KDM2B: variants seen among roughly 807,000 people sequenced by gnomAD.
The protein encoded by KDM2B is lysine-specific demethylase 2B.
KDM2B carries 26 observed loss-of-function variants against 150.0 expected under a neutral mutation model. That is an observed-to-expected ratio of 0.17 (90% CI 0.13 to 0.24). The LOEUF (loss-of-function observed/expected upper bound fraction) is 0.24. Ranked by LOEUF, KDM2B falls within the 10% of genes least tolerant of loss-of-function variation. KDM2B has a pLI of 1.00. For missense variants in KDM2B, 1,265 were observed against 1,816.9 expected (o/e 0.70, Z 5.52); for synonymous variants, 734 against 729.5 (o/e 1.01, Z -0.10).
chr12:121,546,514 C>A (rs112027902), intron 6 of KDM2B, among the ~76,000 whole-genome samples: 22,181 of 149,630 alleles, frequency 0.15, 2,244 homozygotes, highest in Non-Finnish European at 0.22. Flanking sequence ...TCCCGAGTAG[C>A]TGGGACTACA....
intron 1 of KDM2B, 67 bp from the exon 2 acceptor site, chr12:121,579,013 G>C: frequency 6.5e-7 from 1 of 1,535,180 alleles, no homozygotes; most frequent in Non-Finnish European, 8.8e-7. Flanking sequence ...TCTCAACCTG[G>C]GCCCAGCACT....
chr12:121,557,451 G>A (rs1337855090), intron 4 of KDM2B, among the ~76,000 whole-genome samples: 1 of 151,870 alleles, frequency 6.6e-6, no homozygotes, highest in Admixed American at 6.6e-5. Context: ...TTTTGCCCAG[G>A]CTGGTCTTGA....
Position 121,518,775 on chromosome 12 carries a change from G to A in KDM2B, c.1047+2210C>T, listed in dbSNP as rs1027186909. The stretch of plus-strand genomic sequence containing the variant: ...GCTTTCAGGAATTGCCTGGAAAGTC[G>A]TGGGCCTGACTTCCACTAGATTTCT... On this transcript the variant is annotated intron_variant, in intron 9 of 22. Coordinates refer to ENST00000377071, the MANE Select transcript of KDM2B (RefSeq NM_032590.5). This position sits in a 1 kb window ranked among gnomAD's most constrained non-coding sequence, Gnocchi z 4.4. Among the ~76,000 whole-genome samples the A allele has an allele frequency of 1.6e-4, 25 of 152,336 alleles. No homozygotes were observed. The highest frequency in any genetic ancestry group is 9.1e-4 in the Admixed American group (14 of 15,302).
chr12:121,497,380 C>T (rs55670207), intron 11 of KDM2B, among the ~76,000 whole-genome samples: 8,066 of 152,254 alleles, frequency 0.053, 293 homozygotes, highest in Middle Eastern at 0.099. Flanking sequence ...TCTTGGTTCA[C>T]TGCAACCTCT....
At chr12:121,473,359 T>C (rs1221794127) in intron 12 of KDM2B, among the ~76,000 whole-genome samples, 1 of 145,766 alleles carries the variant, frequency 6.9e-6, no homozygotes, top group Non-Finnish European at 1.5e-5. Flanking sequence ...ACCACTGCAC[T>C]CCGCCTGGGT....
At chr12:121,542,213 G>T (rs1199912357) in intron 6 of KDM2B, among the ~76,000 whole-genome samples, 1 of 152,210 alleles carries the variant, frequency 6.6e-6, no homozygotes, top group African/African-American at 2.4e-5. Context: ...GCTATATGTG[G>T]CAAGGAACTG....
chr12:121,516,943 T>C (rs188591743), intron 9 of KDM2B: 4 of 638,052 alleles, frequency 6.3e-6, no homozygotes, highest in Admixed American at 5.7e-5. Flanking sequence ...AGGTAAATTA[T>C]TTGCAATTTC....
chr12:121,567,772 G>A (rs1470161665), intron 4 of KDM2B, among the ~76,000 whole-genome samples: 1 of 145,052 alleles, frequency 6.9e-6, no homozygotes, highest in African/African-American at 2.6e-5. Flanking sequence ...GTATAGTGGT[G>A]CAATCTCGGC....
chr12:121,413,016 G>A, the KDM2B span, among the ~76,000 whole-genome samples: 1 of 142,336 alleles, frequency 7.0e-6, no homozygotes, highest in South Asian at 2.3e-4. Context: ...ATTGTGCCCA[G>A]GCTATTTTTT....
chr12:121,515,725 C>T lies in KDM2B; in HGVS notation c.1048-2323G>A, dbSNP rs79018002. On this transcript the variant is annotated intron_variant, in intron 9 of 22. Coordinates refer to ENST00000377071, the MANE Select transcript of KDM2B (RefSeq NM_032590.5). ...TCTGAGAGTCCTGGCTCTCACTCAGCTCCTGGCCTCAAGGCCTCCTCCCAC... is the reference window on the plus strand; with the variant it reads ...TCTGAGAGTCCTGGCTCTCACTCAGTTCCTGGCCTCAAGGCCTCCTCCCAC... 7.0e-3 allele frequency among the ~76,000 whole-genome samples: 1,067 copies of T among 152,094 alleles called. 7 individuals carry two copies. Among genetic ancestry groups the T allele is most frequent in the African/African-American group, 0.024 (1,001 of 41,516 alleles).
At chr12:121,536,070 G>A (rs1486987740) in intron 6 of KDM2B, 3 of 985,960 alleles carry the variant, frequency 3.0e-6, no homozygotes, top group South Asian at 9.4e-5. Context: ...AAGAGGGAAG[G>A]AATGGGGCGG....
chr12:121,431,581 A>T (rs1447387717), intron 22 of KDM2B, among the ~76,000 whole-genome samples: 2 of 152,180 alleles, frequency 1.3e-5, no homozygotes, highest in African/African-American at 4.8e-5. Context: ...TGCTATCTAC[A>T]TGTTATCAAA....
chr12:121,442,844 CGA>C lies in KDM2B; in HGVS notation c.2605-10_2605-9del, dbSNP rs1593749273. 1 of 1,517,890 alleles carries C rather than the reference CGA, an allele frequency of 6.6e-7. No individual in the cohort carries two copies. The highest frequency in any genetic ancestry group is 8.8e-7 in the Non-Finnish European group (1 of 1,138,016). 94.0% of individuals were successfully genotyped at this position (1,517,890 alleles called of 1,614,324 possible). On this transcript the variant is annotated splice_polypyrimidine_tract_variant and intron_variant, in intron 18 of 22. Transcript: ENST00000377071. This position sits in a 1 kb window ranked among gnomAD's most constrained non-coding sequence, Gnocchi z 7.7. ...GTTCTTCCAGGACCGCCGCTGAGGG[CGA>C]GAGCGGAGACGCGTCAGCCTCTGGG...
chr12:121,496,209 T>C (rs782485049), intron 11 of KDM2B, among the ~76,000 whole-genome samples: 2 of 152,118 alleles, frequency 1.3e-5, no homozygotes, highest in Non-Finnish European at 2.9e-5. Context: ...ATAGGGTTTT[T>C]TTTGGCTACA....
intron 6 of KDM2B, among the ~76,000 whole-genome samples, chr12:121,539,279 G>C (rs1183853363): frequency 2.4e-5 from 3 of 123,380 alleles, no homozygotes; most frequent in African/African-American, 9.5e-5. Context: ...GGTGAATCAC[G>C]ACTGCGCCAC....
At chr12:121,508,892 C>G (rs1470958247) in intron 11 of KDM2B, among the ~76,000 whole-genome samples, 7 of 152,320 alleles carry the variant, frequency 4.6e-5, no homozygotes, top group Middle Eastern at 3.4e-3. Flanking sequence ...AACATGCTGG[C>G]CCAGGACAGC....
chr12:121,443,331 T>C (rs1421875890), intron 17 of KDM2B: 1 of 579,524 alleles, frequency 1.7e-6, no homozygotes, highest in Non-Finnish European at 3.1e-6. Context: ...GAGCCAGTTC[T>C]GGAGCACAGC....
the KDM2B span, chr12:121,424,035 G>T: frequency 6.5e-6 from 1 of 153,924 alleles, no homozygotes; most frequent in African/African-American, 2.4e-5. Flanking sequence ...CACTTTATTA[G>T]TCATGTATAT....
intron 6 of KDM2B, among the ~76,000 whole-genome samples, chr12:121,544,911 T>C (rs1356583743): frequency 6.6e-6 from 1 of 152,086 alleles, no homozygotes; most frequent in East Asian, 1.9e-4. Flanking sequence ...AGACCCTCTC[T>C]AAAAAAATAA....
Sources: gnomAD v4.1 joint callset for allele counts (sites outside exome capture counted in the v4.1 genomes callset) on GRCh38, gnomAD v4.1.1 for gene constraint, Gnocchi (gnomAD v3.1) non-coding constraint, MANE v1.5 for transcripts, NCBI Gene and HGNC (gene_info 2026-07-23, HGNC 2026-07-21) for gene names.